The following FLT1 variants were observed in gnomAD, a reference collection of about 807,000 sequenced individuals.
FLT1 encodes the protein vascular endothelial growth factor receptor 1.
FLT1 carries 49 observed loss-of-function variants against 156.3 expected under a neutral mutation model. That is an observed-to-expected ratio of 0.31 (90% confidence interval 0.25 to 0.40). The LOEUF (loss-of-function observed/expected upper bound fraction) is 0.40. Among genes scored for constraint, FLT1 ranks in the 10% least tolerant of loss-of-function variants. The pLI is 1.00. For missense variants in FLT1, 1,322 were observed against 1,637.2 expected, an observed-to-expected ratio of 0.81 and a Z score of 3.32; for synonymous variants, 594 against 583.8, an observed-to-expected ratio of 1.02 and a Z score of -0.25.
intron 11 of FLT1, among the ~76,000 whole-genome samples, chr13:28,401,288 C>A (rs1487939185): frequency 6.6e-6 from 1 of 152,122 alleles, no homozygotes; most frequent in African/African-American, 2.4e-5. Flanking sequence ...ACTGCTTTTG[C>A]TTTTTGTGGT....
At chr13:28,406,058 A>T (rs1875782100) in intron 10 of FLT1, among the ~76,000 whole-genome samples, 164 bp from the exon 11 acceptor site, 1 of 152,236 alleles carries the variant, frequency 6.6e-6, no homozygotes, top group Middle Eastern at 3.2e-3. Flanking sequence ...CTCAAAACTT[A>T]AAAATAGCAA....
chr13:28,378,069 A>C (rs1593723135), intron 14 of FLT1, among the ~76,000 whole-genome samples: 1 of 108,748 alleles, frequency 9.2e-6, no homozygotes, highest in African/African-American at 3.6e-5. Context: ...TTTTTTTTTG[A>C]GTTGGAGTCT....
rs1566013163 is a variant in FLT1 at position 28,412,385 on chromosome 13, T to TTTCTTTCTTTCTTTCCTTCTTTCTTTCC, written c.1437-6492_1437-6491insGGAAAGAAAGAAGGAAAGAAAGAAAGAA. Among the ~76,000 whole-genome samples the TTTCTTTCTTTCTTTCCTTCTTTCTTTCC allele has an allele frequency of 4.6e-4, 39 of 85,006 alleles. 1 individual carries two copies. The highest frequency in any genetic ancestry group is 1.3e-3 in the African/African-American group (34 of 26,830). 55.8% of individuals were successfully genotyped at this position (85,006 alleles called of 152,430 possible). On this transcript the variant is annotated intron_variant, in intron 10 of 29. Transcript: ENST00000282397. ...CTTTCTTTCTTTCTTTCTTTCTTTC[T>TTTCTTTCTTTCTTTCCTTCTTTCTTTCC]TTCTTTCTTTCTTTCTTTCTTTCTT...
At chr13:28,369,551 G>A (rs1443333884) in intron 14 of FLT1, among the ~76,000 whole-genome samples, 1 of 152,100 alleles carries the variant, frequency 6.6e-6, no homozygotes, top group Admixed American at 6.6e-5. Flanking sequence ...AATGAAAAAC[G>A]ATTAATCCAT....
intron 1 of FLT1, among the ~76,000 whole-genome samples, chr13:28,486,153 A>C (rs909093535): frequency 6.6e-6 from 1 of 152,242 alleles, no homozygotes; most frequent in African/African-American, 2.4e-5. Context: ...AGTGGAGCTC[A>C]CGCAATATTA....
intron 14 of FLT1, among the ~76,000 whole-genome samples, chr13:28,375,844 T>C (rs1248140782): frequency 1.3e-5 from 2 of 152,266 alleles, no homozygotes; most frequent in Non-Finnish European, 1.5e-5. Flanking sequence ...ATTTCTTTTC[T>C]GCAATAATAG....
chr13:28,451,380 G>T (rs1305503431), intron 3 of FLT1, among the ~76,000 whole-genome samples: 1 of 152,240 alleles, frequency 6.6e-6, no homozygotes, highest in Non-Finnish European at 1.5e-5. Flanking sequence ...CTGAGATCGT[G>T]CCACTGCCCT....
At chr13:28,316,714 C>T (rs1285841349) in intron 25 of FLT1, among the ~76,000 whole-genome samples, 1 of 151,020 alleles carries the variant, frequency 6.6e-6, no homozygotes, top group Non-Finnish European at 1.5e-5. Context: ...TCTTGGCTCA[C>T]TGCAATCTCC....
In FLT1 at chr13:28,439,380, T is replaced by C. The variant is rs1368802871; in HGVS notation, c.389-1035A>G. On this transcript the variant is annotated intron_variant, in intron 3 of 29. Coordinates refer to ENST00000282397, the MANE Select transcript of FLT1 (RefSeq NM_002019.4). The surrounding 1 kb of genome is among the most constrained non-coding windows in gnomAD (Gnocchi z 4.1). ...CAGGCCCCCACCTGCTTGCTGGTCC[T>C]GCCTCAGGTTTGTGGATTACGAAGC... Among the ~76,000 whole-genome samples the C allele has an allele frequency of 6.6e-6, 1 of 152,218 alleles. No homozygotes were observed. Among genetic ancestry groups the C allele is most frequent in the Non-Finnish European group, 1.5e-5 (1 of 68,032 alleles).
At chr13:28,307,803 C>G (rs563461795) in intron 28 of FLT1, among the ~76,000 whole-genome samples, 2 of 35,420 alleles carry the variant, frequency 5.6e-5, no homozygotes, top group Non-Finnish European at 7.0e-5. Flanking sequence ...GAGTCCAGCT[C>G]TGTCGCCCAG....
rs67298705 is a variant in FLT1, at chr13:28,404,043, C to CAA, written c.1551+1735_1551+1736dup. Among the ~76,000 whole-genome samples, 1,235 of 139,656 alleles carry CAA rather than the reference C, an allele frequency of 8.8e-3. 33 individuals are homozygous for CAA. Among genetic ancestry groups the CAA allele is most frequent in the Admixed American group, 0.059 (823 of 14,006 alleles). The allele number at this position is 139,656 out of a possible 152,430, so 91.6% of individuals were successfully genotyped here. A position where few individuals can be genotyped will look rare whatever the true frequency, so the allele number is the denominator to read the frequency against. The stretch of plus-strand genomic sequence containing the variant: ...AGCAACAGAGTGAGACTCTTTGTCT[C>CAA]AAAAAAAAAAAAAAGAAAGAAAGAA... On this transcript the variant is annotated intron_variant, in intron 11 of 29. Coordinates refer to ENST00000282397, the MANE Select transcript of FLT1 (RefSeq NM_002019.4).
chr13:28,374,183 A>T (rs534962135), intron 14 of FLT1, among the ~76,000 whole-genome samples: 15 of 152,260 alleles, frequency 9.9e-5, no homozygotes, highest in Admixed American at 4.6e-4. Flanking sequence ...GATAAAATTT[A>T]TGTTATGTGC....
chr13:28,333,163 C>T (rs573765354), intron 18 of FLT1, among the ~76,000 whole-genome samples: 63 of 152,302 alleles, frequency 4.1e-4, no homozygotes, highest in African/African-American at 1.5e-3. Flanking sequence ...AAGCAAACAA[C>T]CCTTTCTCCT....
intron 16 of FLT1, among the ~76,000 whole-genome samples, chr13:28,341,041 C>T (rs989736386): frequency 6.6e-6 from 1 of 152,160 alleles, no homozygotes; most frequent in Non-Finnish European, 1.5e-5. Context: ...GAGAAACAAT[C>T]TCCAATCCTC....
chr13:28,413,438 C>T (rs1051927710), intron 10 of FLT1, among the ~76,000 whole-genome samples: 20 of 145,510 alleles, frequency 1.4e-4, no homozygotes, highest in African/African-American at 5.1e-4. Context: ...TTTTCCAGGG[C>T]CAGGGGATCC....
chr13:28,355,171 T>C (rs1872855617), intron 15 of FLT1, among the ~76,000 whole-genome samples: 1 of 152,228 alleles, frequency 6.6e-6, no homozygotes, highest in Non-Finnish European at 1.5e-5. Context: ...TATTCTGAGG[T>C]ATACGTGGAC....
At chr13:28,334,230 C>A (rs1872033019) in intron 17 of FLT1, 101 bp from the exon 18 acceptor site, 1 of 817,836 alleles carries the variant, frequency 1.2e-6, no homozygotes, top group African/African-American at 1.7e-5. Context: ...GCATGTGAGG[C>A]ATGGAATCTC....
At chr13:28,442,880 G>A (rs188661461) in intron 3 of FLT1, among the ~76,000 whole-genome samples, 3 of 152,096 alleles carry the variant, frequency 2.0e-5, no homozygotes, top group East Asian at 3.8e-4. Flanking sequence ...AAGAGGTCAC[G>A]GTTCCATTAA....
chr13:28,379,854 G>T (rs1376812757), intron 14 of FLT1, among the ~76,000 whole-genome samples: 1 of 152,190 alleles, frequency 6.6e-6, no homozygotes, highest in Non-Finnish European at 1.5e-5. Flanking sequence ...GAAATGATAA[G>T]GGAGGAAAAA....
Sources: gnomAD v4.1 joint callset for allele counts (sites outside exome capture counted in the v4.1 genomes callset) on GRCh38, gnomAD v4.1.1 for gene constraint, Gnocchi (gnomAD v3.1) non-coding constraint, MANE v1.5 for transcripts, NCBI Gene and HGNC (gene_info 2026-07-23, HGNC 2026-07-21) for gene names.